Variants in CERS6 observed in about 807,000 individuals in gnomAD.
CERS6 encodes the protein ceramide synthase 6.
CERS6 carries 26 observed loss-of-function variants against 56.8 expected under a neutral mutation model. The ratio of observed to expected loss-of-function variants is 0.46; its 90% confidence interval spans 0.34 to 0.63. CERS6 has a LOEUF of 0.63. Ranked by LOEUF, CERS6 falls within the 30% of genes least tolerant of loss-of-function variation. CERS6 has a pLI of 0.01. For missense variants in CERS6, 415 were observed against 467.5 expected (o/e 0.89, Z 1.04); for synonymous variants, 164 against 173.3 (o/e 0.95, Z 0.42).
chr2:168,558,672 A>T lies in CERS6; in HGVS notation c.277-2520A>T, dbSNP rs554487192. Among the ~76,000 whole-genome samples, 13 of 152,340 alleles carry T rather than the reference A, an allele frequency of 8.5e-5. No homozygotes were observed. The Middle Eastern group carries it at 0.01, about 120-fold the overall frequency. ...ATCACAAGGTCAGGAGATCGAGACCATCCTGGCTAACACAGTGAAACCCCG... is the reference window on the plus strand; with the variant it reads ...ATCACAAGGTCAGGAGATCGAGACCTTCCTGGCTAACACAGTGAAACCCCG... On this transcript the variant is annotated intron_variant, in intron 2 of 9. Transcript: ENST00000305747.
At chr2:168,694,632 AT>A (rs997539554) in intron 5 of CERS6, among the ~76,000 whole-genome samples, 4 of 151,990 alleles carry the variant, frequency 2.6e-5, no homozygotes, top group African/African-American at 4.8e-5. Flanking sequence ...CTGTATTAGA[AT>A]TTTTTTTCAG....
At chr2:168,724,895 C>A (rs1683300308) in intron 8 of CERS6, among the ~76,000 whole-genome samples, 2 of 152,234 alleles carry the variant, frequency 1.3e-5, no homozygotes, top group South Asian at 4.1e-4. Context: ...CGCCGTGTGC[C>A]TGCACTCCTC....
At chr2:168,525,259 G>A (rs901973259) in intron 1 of CERS6, among the ~76,000 whole-genome samples, 1 of 152,160 alleles carries the variant, frequency 6.6e-6, no homozygotes, top group African/African-American at 2.4e-5. Context: ...TAGGCCCCAC[G>A]CCCAGAGTTG....
rs529145700 is a variant in CERS6, at chr2:168,618,672, A to G, written c.408-12313A>G. ...AAAATACTTAGGAATATATCTAACC[A>G]AGAAGGTGAAAGACCTCTACAAGGA... is the stretch of plus-strand genomic sequence containing the variant. On this transcript the variant is annotated intron_variant, in intron 3 of 9. Coordinates refer to ENST00000305747, the MANE Select transcript of CERS6 (RefSeq NM_203463.3). Among the ~76,000 whole-genome samples, 4 of 152,334 alleles carry G rather than the reference A, an allele frequency of 2.6e-5. No homozygotes were observed. The East Asian group carries it at 7.7e-4, about 29-fold the overall frequency.
chr2:168,676,013 C>A (rs1686051613), intron 4 of CERS6, among the ~76,000 whole-genome samples: 1 of 152,148 alleles, frequency 6.6e-6, no homozygotes. Flanking sequence ...AACAAAAAAT[C>A]AGAGATTTTT....
chr2:168,719,364 T>C (rs1687304695), intron 8 of CERS6, among the ~76,000 whole-genome samples: 2 of 152,258 alleles, frequency 1.3e-5, no homozygotes, highest in South Asian at 2.1e-4. Flanking sequence ...TGAGGAGCTC[T>C]GTTGGCTAAA....
chr2:168,511,950 G>GCACACA (rs10568314), intron 1 of CERS6, among the ~76,000 whole-genome samples: 33 of 148,640 alleles, frequency 2.2e-4, no homozygotes, highest in Admixed American at 8.0e-4. Context: ...GCATGCACGT[G>GCACACA]CACACACACA....
intron 3 of CERS6, among the ~76,000 whole-genome samples, chr2:168,564,146 C>A (rs2105383875): frequency 6.6e-6 from 1 of 152,302 alleles, no homozygotes; most frequent in Non-Finnish European, 1.5e-5. Context: ...ACCTTCCATT[C>A]TGTGTGTTAA....
chr2:168,719,514 G>C (rs1270062640), intron 8 of CERS6, among the ~76,000 whole-genome samples: 3 of 152,154 alleles, frequency 2.0e-5, no homozygotes, highest in Admixed American at 1.3e-4. Context: ...TGTGCTTTAG[G>C]TAGAAGAAAC....
intron 4 of CERS6, among the ~76,000 whole-genome samples, chr2:168,658,927 C>T (rs1324773768): frequency 2.6e-5 from 4 of 152,178 alleles, no homozygotes; most frequent in South Asian, 4.1e-4. Flanking sequence ...CAGCTTCTAT[C>T]GGGAGCAATT....
intron 1 of CERS6, among the ~76,000 whole-genome samples, chr2:168,524,079 C>G (rs1207930106): frequency 6.6e-6 from 1 of 152,166 alleles, no homozygotes; most frequent in Non-Finnish European, 1.5e-5. Context: ...CAAGGGCCAC[C>G]CTGGACTGCA....
intron 3 of CERS6, among the ~76,000 whole-genome samples, chr2:168,630,001 A>G (rs1206560049): frequency 6.6e-6 from 1 of 151,912 alleles, no homozygotes; most frequent in African/African-American, 2.4e-5. Context: ...TATTTTTATT[A>G]GAGACGGGAT....
At position 168,774,325 on chromosome 2, in the gene CERS6, G is replaced by T. The variant is rs8304; in HGVS notation, c.*4663G>T. 120,871 of 152,190 alleles carry T rather than the reference G, an allele frequency of 0.79. 48,522 individuals are homozygous for T. Among genetic ancestry groups the T allele is most frequent in the East Asian group, 0.97 (5,013 of 5,180 alleles). 9.4% of individuals were successfully genotyped at this position (152,190 alleles called of 1,614,324 possible). ...TCCTGATAAAAGGAAGCCAGGGTGTGGACATTTTTTAGCTATTGATTTCCC... is the reference window on the plus strand; with the variant it reads ...TCCTGATAAAAGGAAGCCAGGGTGTTGACATTTTTTAGCTATTGATTTCCC... On this transcript the variant is annotated 3_prime_UTR_variant, in exon 10 of 10. Coordinates refer to ENST00000305747, the MANE Select transcript of CERS6 (RefSeq NM_203463.3).
chr2:168,722,133 A>G (rs2105399181), intron 8 of CERS6, among the ~76,000 whole-genome samples: 1 of 152,298 alleles, frequency 6.6e-6, no homozygotes, highest in East Asian at 1.9e-4. Context: ...TTGTTGTAAA[A>G]GTTTATGCAC....
chr2:168,518,252 C>T (rs10930325), intron 1 of CERS6, among the ~76,000 whole-genome samples: 99,061 of 151,990 alleles, frequency 0.65, 33,519 homozygotes, highest in East Asian at 0.98. Context: ...TTTGGACTTG[C>T]AATTCTATAA....
chr2:168,577,357 G>C (rs1683299358), intron 3 of CERS6, among the ~76,000 whole-genome samples: 1 of 152,168 alleles, frequency 6.6e-6, no homozygotes, highest in Non-Finnish European at 1.5e-5. Context: ...GCCAAGAGCA[G>C]TTTGGGTGGA....
intron 6 of CERS6, among the ~76,000 whole-genome samples, chr2:168,705,810 G>T (rs191154500): frequency 3.3e-5 from 5 of 152,118 alleles, no homozygotes; most frequent in African/African-American, 1.2e-4. Flanking sequence ...TATCATAAAG[G>T]GTATTTATGT....
At chr2:168,551,097 T>C (rs1006483972) in intron 2 of CERS6, among the ~76,000 whole-genome samples, 2 of 152,200 alleles carry the variant, frequency 1.3e-5, no homozygotes, top group African/African-American at 2.4e-5. Context: ...CTGTTAAGAA[T>C]TTCAAGATGG....
chr2:168,494,100 T>G (rs1447083570), intron 1 of CERS6, among the ~76,000 whole-genome samples: 1 of 152,198 alleles, frequency 6.6e-6, no homozygotes, highest in Non-Finnish European at 1.5e-5. Context: ...ATGTTTCTCT[T>G]GTCCTTCACC....
Sources: allele counts gnomAD v4.1 joint callset (sites outside exome capture counted in the v4.1 genomes callset), GRCh38; gene constraint gnomAD v4.1.1; transcripts MANE v1.5; gene names NCBI Gene and HGNC (gene_info 2026-07-23, HGNC 2026-07-21).